The following DIS3L2 variants were observed in gnomAD, a reference collection of about 807,000 sequenced individuals.
DIS3L2 encodes DIS3 like 3'-5' exoribonuclease 2.
Under a neutral mutation model 97.5 loss-of-function variants are expected in DIS3L2, and 34 were observed. The observed-to-expected ratio is 0.35, with a 90% CI of 0.27 to 0.46. DIS3L2 has a LOEUF of 0.46. Among genes scored for constraint, DIS3L2 ranks in the 20% least tolerant of loss-of-function variants. DIS3L2 has a pLI of 1.00. For synonymous variants in DIS3L2, 435 were observed against 445.2 expected (o/e 0.98, Z 0.29); for missense variants, 1,038 against 1,146.0 (o/e 0.91, Z 1.36).
chr2:232,001,471 CA>C (rs1422695364), intron 1 of DIS3L2, among the ~76,000 whole-genome samples: 1 of 149,900 alleles, frequency 6.7e-6, no homozygotes, highest in Non-Finnish European at 1.5e-5. Context: ...GTATGGTTTG[CA>C]AATATATTCT....
At chr2:232,329,789 T>TGGCCCC in intron 14 of DIS3L2, 24 bp from the exon 15 acceptor site, 4 of 368,608 alleles carry the variant, frequency 1.1e-5, no homozygotes, top group Non-Finnish European at 2.0e-5. Flanking sequence ...CAGCGGTCCC[T>TGGCCCC]CCCATCCCAC....
intron 10 of DIS3L2, among the ~76,000 whole-genome samples, chr2:232,232,897 G>A (rs565384483): frequency 1.3e-5 from 2 of 152,266 alleles, no homozygotes; most frequent in Admixed American, 6.5e-5. Context: ...GGCTTGGCAC[G>A]CCACACTTAA....
chr2:232,104,970 A>G (rs1261449750), intron 6 of DIS3L2, among the ~76,000 whole-genome samples: 3 of 151,914 alleles, frequency 2.0e-5, no homozygotes, highest in African/African-American at 7.3e-5. Flanking sequence ...AGGTGGCACC[A>G]CCACACCCAG....
intron 10 of DIS3L2, among the ~76,000 whole-genome samples, chr2:232,217,158 G>A (rs1299122048): frequency 6.6e-6 from 1 of 152,142 alleles, no homozygotes; most frequent in Non-Finnish European, 1.5e-5. Flanking sequence ...CTCTTTCTAT[G>A]AGACAGAGAG....
At chr2:232,261,379 G>A (rs1040565394) in intron 12 of DIS3L2, among the ~76,000 whole-genome samples, 5 of 152,126 alleles carry the variant, frequency 3.3e-5, no homozygotes, top group Admixed American at 1.3e-4. Flanking sequence ...ATTCCAAAGC[G>A]CTCCTTCCCT....
intron 3 of DIS3L2, among the ~76,000 whole-genome samples, chr2:232,021,850 T>C (rs1234823410): frequency 6.6e-6 from 1 of 152,032 alleles, no homozygotes; most frequent in East Asian, 1.9e-4. Flanking sequence ...TAAAATAGAC[T>C]CCCTCTGAGA....
intron 10 of DIS3L2, among the ~76,000 whole-genome samples, chr2:232,227,502 C>G (rs538927636): frequency 2.0e-5 from 3 of 152,310 alleles, no homozygotes; most frequent in South Asian, 4.1e-4. Context: ...TATGAGACCA[C>G]CAGTATGGTG....
rs552347032 is a variant in DIS3L2, at chr2:231,980,284, C to T, written c.-94+18519C>T. Reference sequence around the variant, plus strand: ...TAGTACTTCTTGTGGTTTTGATTTACATTTTCCTAATGTCTGATGATGTTG... The same window carrying T: ...TAGTACTTCTTGTGGTTTTGATTTATATTTTCCTAATGTCTGATGATGTTG... On this transcript the variant is annotated intron_variant, in intron 1 of 20. Coordinates refer to ENST00000325385, the MANE Select transcript of DIS3L2 (RefSeq NM_152383.5). Among the ~76,000 whole-genome samples, 76 of 152,302 alleles carry T rather than the reference C, an allele frequency of 5.0e-4. 2 individuals are homozygous for T. In the South Asian group the frequency reaches 0.015, roughly 30 times the overall value.
chr2:232,065,260 T>A (rs1057214743), intron 5 of DIS3L2, among the ~76,000 whole-genome samples: 1 of 152,066 alleles, frequency 6.6e-6, no homozygotes, highest in African/African-American at 2.4e-5. Context: ...TCCCATTTCT[T>A]TTTCCCCCCA....
intron 5 of DIS3L2, among the ~76,000 whole-genome samples, chr2:232,077,838 G>A (rs1014864673): frequency 3.9e-5 from 6 of 152,096 alleles, no homozygotes; most frequent in East Asian, 1.9e-4. Context: ...CTTTTTTCAC[G>A]CTGAGCCCAG....
intron 5 of DIS3L2, among the ~76,000 whole-genome samples, chr2:232,086,635 ATATATATATG>A (rs1450498241): frequency 3.8e-5 from 2 of 53,330 alleles, no homozygotes; most frequent in Admixed American, 2.4e-4. Flanking sequence ...ATATACACAT[ATATATATATG>A]TATATATATA....
At chr2:232,028,951 A>G (rs1307658247) in intron 4 of DIS3L2, among the ~76,000 whole-genome samples, 2 of 152,212 alleles carry the variant, frequency 1.3e-5, no homozygotes, top group African/African-American at 2.4e-5. Context: ...AATGGTTTGT[A>G]AGTGGAAGCT....
At chr2:232,329,602 C>T (rs1476463505) in intron 14 of DIS3L2, 12 of 462,528 alleles carry the variant, frequency 2.6e-5, no homozygotes, top group African/African-American at 6.0e-5. Context: ...GAGGAGAAGG[C>T]GGTGTAGACC....
intron 8 of DIS3L2, among the ~76,000 whole-genome samples, chr2:232,155,243 T>C (rs1209332737): frequency 6.6e-6 from 1 of 151,656 alleles, no homozygotes; most frequent in Non-Finnish European, 1.5e-5. Flanking sequence ...CTTAATTTTC[T>C]AAAGGTCCAA....
intron 9 of DIS3L2, among the ~76,000 whole-genome samples, chr2:232,191,546 C>T (rs1189841881): frequency 2.0e-5 from 3 of 152,168 alleles, no homozygotes; most frequent in African/African-American, 7.2e-5. Flanking sequence ...GTAGCATTCT[C>T]TGAATAGTAG....
At chr2:232,336,215 G>A in intron 20 of DIS3L2, 1 of 1,537,606 alleles carries the variant, frequency 6.5e-7, no homozygotes, top group Non-Finnish European at 8.8e-7. Flanking sequence ...CACCAACAGT[G>A]TGCCCTGAAC....
intron 6 of DIS3L2, among the ~76,000 whole-genome samples, chr2:232,107,713 G>A (rs2106329240): frequency 6.6e-6 from 1 of 152,166 alleles, no homozygotes; most frequent in African/African-American, 2.4e-5. Context: ...AAAAAGAAAT[G>A]ATAAGGGGAA....
rs1694628490 is a variant in DIS3L2, at chr2:232,292,466, C to T, written c.1660-7574C>T. 6.6e-6 allele frequency among the ~76,000 whole-genome samples: 1 copy of T among 152,200 alleles called. No homozygotes were observed. Among genetic ancestry groups the T allele is most frequent in the South Asian group, 2.1e-4 (1 of 4,838 alleles). The stretch of plus-strand genomic sequence containing the variant: ...GGAGGGCCTCTCAAAGGCCCAACAA[C>T]CCCAACAGGGCCTGCATCCCATGTT... On this transcript the variant is annotated intron_variant, in intron 13 of 20. Transcript: ENST00000325385. The surrounding 1 kb of genome is among the most constrained non-coding windows in gnomAD (Gnocchi z 4.4).
intron 16 of DIS3L2, chr2:232,331,869 C>T (rs1053707605): frequency 6.6e-6 from 1 of 152,304 alleles, no homozygotes; most frequent in African/African-American, 2.4e-5. Context: ...TCCTGGCTCG[C>T]CTCCCAGGGA....
Sources: allele counts gnomAD v4.1 joint callset (sites outside exome capture counted in the v4.1 genomes callset), GRCh38; gene constraint gnomAD v4.1.1; non-coding constraint Gnocchi (gnomAD v3.1); transcripts MANE v1.5; gene names NCBI Gene and HGNC (gene_info 2026-07-23, HGNC 2026-07-21).